The following FANCM variants were observed in gnomAD, a reference collection of about 807,000 sequenced individuals.
FANCM encodes the protein FA complementation group M.
In FANCM, 140 loss-of-function variants were observed where a neutral mutation model predicts 199.5. That is an observed-to-expected ratio of 0.70 (90% CI 0.61 to 0.81). The LOEUF (loss-of-function observed/expected upper bound fraction) is 0.81, where lower values mean the gene tolerates loss of function less well. Ranked by LOEUF, FANCM falls within the 30% of genes least tolerant of loss-of-function variation. The pLI, the probability that FANCM is intolerant of heterozygous loss-of-function variation, is 0.00. For missense variants in FANCM, 2,410 were observed against 2,421.4 expected (o/e 1.00, Z 0.10); for synonymous variants, 840 against 836.8 (o/e 1.00, Z -0.07).
intron 14 of FANCM, among the ~76,000 whole-genome samples, 192 bp downstream of exon 14, chr14:45,177,168 G>A (rs541902526): frequency 4.0e-5 from 6 of 150,294 alleles, no homozygotes; most frequent in East Asian, 3.9e-4. Flanking sequence ...CTTATGGCAC[G>A]CATGGTATGG....
chr14:45,163,657 T>G (rs2139202108), intron 9 of FANCM, among the ~76,000 whole-genome samples: 1 of 152,316 alleles, frequency 6.6e-6, no homozygotes, highest in African/African-American at 2.4e-5. Flanking sequence ...ATAAGAAATA[T>G]TTATAAACCT....
rs3036344 is a variant in FANCM, at chr14:45,171,691, T to TTGTGTGTG, written c.2160+970_2160+977dup. On this transcript the variant is annotated intron_variant, in intron 12 of 22. Transcript: ENST00000267430. ...TTTTATGGCTGAGTAGTAGTCCATG[T>TTGTGTGTG]TGTGTGTGTGTGTGTGTGTGTGTGT... Among the ~76,000 whole-genome samples the TTGTGTGTG allele has an allele frequency of 7.3e-4, 107 of 146,530 alleles. No homozygotes were observed. In the East Asian group the frequency reaches 0.01, roughly 14 times the overall value.
At chr14:45,179,592 C>T (rs1443455335) in intron 14 of FANCM, among the ~76,000 whole-genome samples, 1 of 133,710 alleles carries the variant, frequency 7.5e-6, no homozygotes, top group Non-Finnish European at 1.6e-5. Context: ...GAGACAGTCT[C>T]ACTCTGTCAC....
chr14:45,186,464 T>G (rs1049945617), intron 18 of FANCM, among the ~76,000 whole-genome samples: 2 of 152,232 alleles, frequency 1.3e-5, no homozygotes, highest in South Asian at 2.1e-4. Context: ...ACTATATCTC[T>G]TCAGTATTCT....
intron 21 of FANCM, 139 bp downstream of exon 21, chr14:45,196,686 T>C (rs1594482212): frequency 1.2e-6 from 1 of 843,874 alleles, no homozygotes; most frequent in East Asian, 2.6e-5. Flanking sequence ...CATATTTTCA[T>C]ACAGCCATAA....
chr14:45,145,241 A>C (rs1886279141), intron 3 of FANCM, among the ~76,000 whole-genome samples: 1 of 151,004 alleles, frequency 6.6e-6, no homozygotes, highest in Non-Finnish European at 1.5e-5. Flanking sequence ...TTTTTTCCTC[A>C]AGCAGAAGGA....
At position 45,166,975 on chromosome 14, in the gene FANCM, A is replaced by G. The variant is rs1446541161; in HGVS notation, c.1814A>G (p.Lys605Arg). Residue 605 changes from lysine to arginine, a missense_variant, in exon 11 of 23, where the codon AAA becomes AGA. Transcript: ENST00000267430. The stretch of plus-strand genomic sequence containing the variant: ...ATTTATAATCAGAGTCAGTCCAACA[A>G]AAGAAGTATATATAAAGCTATTTCA... ...ERIYNQSQSN[K>R]RSIYKAISSN... The G allele has an allele frequency of 5.7e-6, 9 of 1,587,632 alleles. No individual in the cohort carries two copies. Among genetic ancestry groups the G allele is most frequent in the Non-Finnish European group, 7.8e-6 (9 of 1,156,152 alleles).
At chr14:45,139,719 T>G (rs971446909) in intron 2 of FANCM, among the ~76,000 whole-genome samples, 3 of 152,222 alleles carry the variant, frequency 2.0e-5, no homozygotes, top group Admixed American at 6.5e-5. Flanking sequence ...GGCTTGAACC[T>G]GTAATTCCAG....
rs759911498 is a variant in FANCM, at chr14:45,136,129, A to G, written c.98A>G (p.Gln33Arg). ...PGCSSGTERP[Q>R]SPGSSKAPLP... ...TGCAGCTCCGGAACTGAGCGACCTC[A>G]GAGCCCTGGCAGCTCCAAGGCGCCT... The change falls in exon 1 of 23, where the codon CAG becomes CGG. Residue 33 changes from glutamine to arginine, a missense_variant. By Grantham distance (43) the Gln-to-Arg change is conservative. Transcript: ENST00000267430. 1.2e-6 allele frequency: 2 copies of G among 1,614,170 alleles called. No homozygotes were observed. Among genetic ancestry groups the G allele is most frequent in the Non-Finnish European group, 1.7e-6 (2 of 1,180,024 alleles).
chr14:45,183,217 C>T (rs1212960607), intron 16 of FANCM, among the ~76,000 whole-genome samples: 3 of 152,128 alleles, frequency 2.0e-5, no homozygotes, highest in Non-Finnish European at 4.4e-5. Context: ...TGCTGATGAT[C>T]AATTTGTTTT....
Position 45,170,755 on chromosome 14 carries a change from A to G in FANCM, c.2160+9A>G, listed in dbSNP as rs947000515. 6.2e-7 allele frequency: 1 copy of G among 1,607,210 alleles called. No homozygotes were observed. The highest frequency in any genetic ancestry group is 1.7e-5 in the Admixed American group (1 of 59,918). On this transcript the variant is annotated intron_variant, in intron 12 of 22. Transcript: ENST00000267430. The stretch of plus-strand genomic sequence containing the variant: ...ATGAGGAAAACAAACCAGTAAGTTG[A>G]ATATATTTTCAGATGTTCTTTTCCC...
In FANCM at chr14:45,175,216, T is replaced by C. The variant is rs1223857291; in HGVS notation, c.2462T>C (p.Ile821Thr). The C allele has an allele frequency of 6.2e-7, 1 of 1,612,256 alleles. No individual in the cohort carries two copies. ...AAGAAATCGTCATTTATAAAGAACA[T>C]AAATCAAGGCAGTTCATCCTCAGTG... Reference protein sequence around the residue: ...THKKSSFIKNINQGSSSSVIE... With the variant: ...THKKSSFIKNTNQGSSSSVIE... The change falls in exon 14 of 23, where the codon ATA (isoleucine) becomes ACA (threonine). Residue 821 changes from isoleucine (I) to threonine (T), a missense_variant. By Grantham distance (89) the Ile-to-Thr change is moderately conservative (BLOSUM62 -1). Coordinates refer to ENST00000267430, the MANE Select transcript of FANCM (RefSeq NM_020937.4).
At position 45,198,750 on chromosome 14, in the gene FANCM, C is replaced by A. The variant is rs766031579; in HGVS notation, c.5823C>A (p.Thr1941=). Residue 1941 remains threonine (T), a synonymous_variant, in exon 22 of 23, where the codon ACC becomes ACA. Coordinates refer to ENST00000267430, the MANE Select transcript of FANCM (RefSeq NM_020937.4). The part of the protein sequence containing the change: ...RILFSSCQEE[T]ADLLKELSLV... Reference sequence around the variant, plus strand: ...TTTTCAGTTCCTGCCAAGAAGAAACCGCAGATTTGCTAAAGGAACTGTCTT... The same window carrying A: ...TTTTCAGTTCCTGCCAAGAAGAAACAGCAGATTTGCTAAAGGAACTGTCTT... The A allele has an allele frequency of 1.2e-6, 2 of 1,613,890 alleles. No homozygotes were observed. Among genetic ancestry groups the A allele is most frequent in the Non-Finnish European group, 8.5e-7 (1 of 1,179,896 alleles).
At chr14:45,174,319 G>A (rs554845880) in intron 13 of FANCM, among the ~76,000 whole-genome samples, 9 of 152,076 alleles carry the variant, frequency 5.9e-5, no homozygotes, top group East Asian at 1.9e-4. Flanking sequence ...CCCGGGAAGC[G>A]GAGGTTGCAG....
intron 11 of FANCM, 131 bp downstream of exon 11, chr14:45,167,294 T>A: frequency 1.5e-6 from 1 of 689,332 alleles, no homozygotes; most frequent in Non-Finnish European, 2.6e-6. Context: ...GCATTCTCTT[T>A]GGAAAGGCTG....
chr14:45,144,369 C>T (rs1886212483), intron 3 of FANCM, among the ~76,000 whole-genome samples: 1 of 141,806 alleles, frequency 7.1e-6, no homozygotes, highest in Non-Finnish European at 1.5e-5. Context: ...CTCTCTATCT[C>T]TATGAGTTCA....
At chr14:45,185,176 T>G in intron 17 of FANCM, 41 bp from the exon 18 acceptor site, 1 of 1,295,922 alleles carries the variant, frequency 7.7e-7, no homozygotes, top group Non-Finnish European at 1.1e-6. Flanking sequence ...AAAATTATTT[T>G]CTCACTGATA....
chr14:45,142,914 G>A (rs898175116), intron 3 of FANCM, among the ~76,000 whole-genome samples: 1 of 151,978 alleles, frequency 6.6e-6, no homozygotes, highest in African/African-American at 2.4e-5. Context: ...TGTCTTGTGG[G>A]GGAAATACTT....
Position 45,167,431 on chromosome 14 carries a change from A to G in FANCM, c.2002+268A>G, listed in dbSNP as rs1422526735. The G allele has an allele frequency of 3.2e-5, 13 of 410,536 alleles. No individual in the cohort carries two copies. In the Admixed American group the frequency reaches 4.7e-4, roughly 15 times the overall value. 25.4% of individuals were successfully genotyped at this position (410,536 alleles called of 1,614,324 possible). On this transcript the variant is annotated intron_variant, in intron 11 of 22. Transcript: ENST00000267430. The stretch of plus-strand genomic sequence containing the variant: ...GTTCTCCATAAAGTTTAGAAAAGAA[A>G]GAAAACAGTTTTATTTTTTAATAAG...
Sources: gnomAD v4.1 joint callset for allele counts (sites outside exome capture counted in the v4.1 genomes callset) on GRCh38, gnomAD v4.1.1 for gene constraint, MANE v1.5 for transcripts, NCBI Gene and HGNC (gene_info 2026-07-23, HGNC 2026-07-21) for gene names.